The following DOCK4 variants were observed in gnomAD, a reference collection of about 807,000 sequenced individuals.
The protein encoded by DOCK4 is dedicator of cytokinesis protein 4.
A neutral mutation model predicts 268.1 loss-of-function variants in DOCK4; 97 were observed. The observed-to-expected ratio is 0.36, with a 90% confidence interval of 0.31 to 0.43. The LOEUF (loss-of-function observed/expected upper bound fraction) is 0.43. Among genes scored for constraint, DOCK4 ranks in the 20% least tolerant of loss-of-function variants. The pLI is 1.00. For missense variants in DOCK4, 2,145 were observed against 2,455.7 expected, an observed-to-expected ratio of 0.87 and a Z score of 2.67; for synonymous variants, 954 against 887.2, an observed-to-expected ratio of 1.08 and a Z score of -1.34.
chr7:112,169,031 G>C (rs931839693), intron 1 of DOCK4, among the ~76,000 whole-genome samples: 1 of 152,206 alleles, frequency 6.6e-6, no homozygotes. Context: ...CCCCAATGTT[G>C]GAGGAGGGCC....
chr7:111,996,683 T>C (rs1586602040), intron 4 of DOCK4, among the ~76,000 whole-genome samples: 1 of 152,202 alleles, frequency 6.6e-6, no homozygotes, highest in Non-Finnish European at 1.5e-5. Flanking sequence ...TAGTGTCAGG[T>C]GGAGACCCCA....
chr7:111,938,590 G>A (rs1192607268), intron 11 of DOCK4, among the ~76,000 whole-genome samples: 1 of 152,102 alleles, frequency 6.6e-6, no homozygotes, highest in African/African-American at 2.4e-5. Flanking sequence ...CCAAACCCAT[G>A]TGCATTTAAA....
rs115476902 is a variant in DOCK4 at position 112,058,205 on chromosome 7, G to A, written c.38-54074C>T. Among the ~76,000 whole-genome samples, 363 of 151,618 alleles carry A rather than the reference G, an allele frequency of 2.4e-3. 1 individual carries two copies. The highest frequency in any genetic ancestry group is 8.0e-3 in the African/African-American group (333 of 41,396). On this transcript the variant is annotated intron_variant, in intron 1 of 52. Transcript: ENST00000428084. Reference sequence around the variant, plus strand: ...TTTCTATTCTGCCCTATTTTTATTCGTTTCTCTTTATCCACACCATGGGAA... The same window carrying A: ...TTTCTATTCTGCCCTATTTTTATTCATTTCTCTTTATCCACACCATGGGAA...
intron 12 of DOCK4, among the ~76,000 whole-genome samples, chr7:111,929,937 T>C (rs1794058938): frequency 6.6e-6 from 1 of 152,232 alleles, no homozygotes; most frequent in Non-Finnish European, 1.5e-5. Context: ...AGCCAATGAT[T>C]TTTACACACC....
At chr7:111,785,236 C>T (rs1380094131) in intron 32 of DOCK4, among the ~76,000 whole-genome samples, 1 of 152,098 alleles carries the variant, frequency 6.6e-6, no homozygotes, top group East Asian at 1.9e-4. Context: ...GCGAAGGTCC[C>T]CTAGTTTGTT....
At chr7:111,755,650 GCTA>G (rs1563458407) in intron 41 of DOCK4, 49 bp from the exon 42 acceptor site, 2 of 1,551,540 alleles carry the variant, frequency 1.3e-6, no homozygotes, top group Admixed American at 3.4e-5. Context: ...CTTCTTTCTA[GCTA>G]CTTCCATGAC....
At chr7:112,093,169 T>C (rs527719628) in intron 1 of DOCK4, among the ~76,000 whole-genome samples, 1 of 152,040 alleles carries the variant, frequency 6.6e-6, no homozygotes, top group African/African-American at 2.4e-5. Context: ...AGAATACAAG[T>C]AGGCACAATG....
intron 50 of DOCK4, among the ~76,000 whole-genome samples, chr7:111,736,249 T>A (rs1795463862): frequency 6.6e-6 from 1 of 152,152 alleles, no homozygotes. Flanking sequence ...GGGGAACTGC[T>A]CTTATTTTTG....
chr7:111,746,458 C>CAAGGCAAGTCA (rs1563445186), intron 43 of DOCK4, 41 bp from the exon 44 acceptor site: 1 of 1,359,454 alleles, frequency 7.4e-7, no homozygotes, highest in Non-Finnish European at 1.0e-6. Context: ...TAGTGGAGTA[C>CAAGGCAAGTCA]AAGGCAAGTC....
intron 24 of DOCK4, 47 bp downstream of exon 24, chr7:111,846,952 A>G: frequency 6.4e-7 from 1 of 1,570,434 alleles, no homozygotes; most frequent in Non-Finnish European, 8.7e-7. Context: ...GTTTATTTCC[A>G]GAAGCCATTT....
At chr7:111,941,898 G>C (rs921744881) in intron 10 of DOCK4, among the ~76,000 whole-genome samples, 1 of 152,210 alleles carries the variant, frequency 6.6e-6, no homozygotes, top group Non-Finnish European at 1.5e-5. Context: ...TTTGTCACTT[G>C]TGACCCCTGG....
intron 1 of DOCK4, among the ~76,000 whole-genome samples, chr7:112,037,315 C>T (rs980250013): frequency 2.6e-5 from 4 of 152,134 alleles, no homozygotes; most frequent in African/African-American, 7.2e-5. Context: ...TTTTACTGTA[C>T]GATGGGTTTG....
intron 3 of DOCK4, among the ~76,000 whole-genome samples, chr7:111,999,069 T>C (rs1443223589): frequency 6.6e-6 from 1 of 152,172 alleles, no homozygotes; most frequent in Non-Finnish European, 1.5e-5. Context: ...GAAGCCATGT[T>C]AGCTTGAAGC....
At chr7:111,775,272 GATTCCCTTACTCTT>G (rs1297218627) in intron 36 of DOCK4, among the ~76,000 whole-genome samples, 2 of 152,182 alleles carry the variant, frequency 1.3e-5, no homozygotes, top group African/African-American at 4.8e-5. Context: ...TTTCATAAAG[GATTCCCTTACTCTT>G]TTAAAGTTGG....
chr7:111,906,797 G>A (rs915217396), intron 13 of DOCK4, among the ~76,000 whole-genome samples: 2 of 152,170 alleles, frequency 1.3e-5, no homozygotes, highest in Non-Finnish European at 2.9e-5. Context: ...CATGAGCCAA[G>A]GAGTGCAGGC....
At chr7:112,114,287 T>C (rs1361724324) in intron 1 of DOCK4, among the ~76,000 whole-genome samples, 3 of 152,182 alleles carry the variant, frequency 2.0e-5, no homozygotes, top group African/African-American at 7.2e-5. Context: ...TGCATTTCAT[T>C]ATACAATATA....
chr7:111,805,687 AAAC>A (rs755543757), intron 30 of DOCK4, among the ~76,000 whole-genome samples: 32 of 152,208 alleles, frequency 2.1e-4, no homozygotes, highest in Non-Finnish European at 2.9e-5. Context: ...GAATGGAAAA[AAAC>A]AACATGTTTC....
intron 1 of DOCK4, among the ~76,000 whole-genome samples, chr7:112,059,206 G>C (rs990486551): frequency 7.5e-6 from 1 of 133,304 alleles, no homozygotes; most frequent in Non-Finnish European, 1.5e-5. Context: ...GCAGTGGCAC[G>C]ATCTCAGCTC....
intron 1 of DOCK4, among the ~76,000 whole-genome samples, chr7:112,138,925 C>T (rs1307811792): frequency 6.6e-6 from 1 of 152,186 alleles, no homozygotes; most frequent in African/African-American, 2.4e-5. Flanking sequence ...ATAATTTCAA[C>T]TCTGCAGGTT....
Sources: gnomAD v4.1 joint callset for allele counts (sites outside exome capture counted in the v4.1 genomes callset) on GRCh38, gnomAD v4.1.1 for gene constraint, MANE v1.5 for transcripts, NCBI Gene and HGNC (gene_info 2026-07-23, HGNC 2026-07-21) for gene names.